The following SPTBN1 variants were observed in gnomAD, a reference collection of about 807,000 sequenced individuals.
SPTBN1 encodes spectrin beta, non-erythrocytic 1.
In SPTBN1, 32 loss-of-function variants were observed where a neutral mutation model predicts 266.4. That is an observed-to-expected ratio of 0.12 (90% CI 0.09 to 0.16). SPTBN1 has a LOEUF of 0.16. SPTBN1 is among the 10% of genes least tolerant of loss of function. SPTBN1 has a pLI of 1.00. For missense variants in SPTBN1, 2,296 were observed against 3,067.1 expected, an observed-to-expected ratio of 0.75 and a Z score of 5.94; for synonymous variants, 1,336 against 1,162.2, an observed-to-expected ratio of 1.15 and a Z score of -3.04.
chr2:54,614,495 G>A (rs913197418), intron 4 of SPTBN1, among the ~76,000 whole-genome samples: 1 of 152,060 alleles, frequency 6.6e-6, no homozygotes, highest in African/African-American at 2.4e-5. Context: ...ATTTTATGAT[G>A]CTGCCCCTTT....
chr2:54,659,929 C>G lies in SPTBN1; in HGVS notation c.6357-7C>G. On this transcript the variant is annotated splice_region_variant and splice_polypyrimidine_tract_variant and intron_variant, in intron 31 of 35. Coordinates refer to ENST00000356805, the MANE Select transcript of SPTBN1 (RefSeq NM_003128.3). ...TCCCTTCCTCCTTTTCCCCTCTTCC[C>G]TAACAGGGATACTTCAAAAGGAGAA... 2 of 1,613,268 alleles carry G rather than the reference C, an allele frequency of 1.2e-6. No homozygotes were observed. Among genetic ancestry groups the G allele is most frequent in the Non-Finnish European group, 1.7e-6 (2 of 1,179,496 alleles).
intron 34 of SPTBN1, among the ~76,000 whole-genome samples, chr2:54,666,499 G>A (rs1368856354): frequency 6.6e-6 from 1 of 152,196 alleles, no homozygotes; most frequent in African/African-American, 2.4e-5. Flanking sequence ...GGTCAAGTGA[G>A]TCATCCTGGA....
intron 2 of SPTBN1, among the ~76,000 whole-genome samples, chr2:54,561,984 A>G (rs1467491162): frequency 6.6e-6 from 1 of 151,788 alleles, no homozygotes; most frequent in Non-Finnish European, 1.5e-5. Flanking sequence ...AGCATTCACC[A>G]CCAACACCCA....
chr2:54,551,423 G>C (rs577416355), intron 2 of SPTBN1, among the ~76,000 whole-genome samples: 1 of 152,244 alleles, frequency 6.6e-6, no homozygotes, highest in Non-Finnish European at 1.5e-5. Context: ...CCTCTGGACC[G>C]GGGCATTCTT....
intron 24 of SPTBN1, among the ~76,000 whole-genome samples, chr2:54,647,731 AT>A (rs928962057): frequency 5.6e-4 from 86 of 152,290 alleles, no homozygotes; most frequent in African/African-American, 2.0e-3. Flanking sequence ...CTACTCAGCT[AT>A]TCAAGAGGCT....
chr2:54,621,613 T>A, intron 8 of SPTBN1, 101 bp downstream of exon 8: 1 of 857,870 alleles, frequency 1.2e-6, no homozygotes, highest in Non-Finnish European at 1.9e-6. Flanking sequence ...CAATTTGTAG[T>A]GGACTCTCCG....
At chr2:54,613,669 A>T (rs1270972970) in intron 4 of SPTBN1, among the ~76,000 whole-genome samples, 2 of 152,254 alleles carry the variant, frequency 1.3e-5, no homozygotes, top group South Asian at 2.1e-4. Context: ...AGATGGTACA[A>T]CATCATTAAA....
At chr2:54,477,171 C>A (rs983219774) in intron 1 of SPTBN1, among the ~76,000 whole-genome samples, 1 of 152,102 alleles carries the variant, frequency 6.6e-6, no homozygotes, top group Non-Finnish European at 1.5e-5. Flanking sequence ...ATTTCTCTAC[C>A]AGAAGACTTT....
At chr2:54,648,190 C>T (rs1179382516) in intron 24 of SPTBN1, among the ~76,000 whole-genome samples, 2 of 152,138 alleles carry the variant, frequency 1.3e-5, no homozygotes, top group Admixed American at 6.5e-5. Context: ...TGGCCTTGTG[C>T]ATTTAACCAG....
chr2:54,521,537 C>T (rs187179651), intron 1 of SPTBN1, among the ~76,000 whole-genome samples: 37 of 151,936 alleles, frequency 2.4e-4, no homozygotes, highest in Non-Finnish European at 4.0e-4. Context: ...TTTTTTGAGA[C>T]GAGGCTCACT....
In SPTBN1 at chr2:54,669,033, C is replaced by G. The variant is rs1419194114; in HGVS notation, c.*464C>G. The G allele has an allele frequency of 1.1e-5, 2 of 188,600 alleles. No homozygotes were observed. The highest frequency in any genetic ancestry group is 2.9e-4 in the East Asian group (2 of 6,860). 11.7% of individuals were successfully genotyped at this position (188,600 alleles called of 1,614,324 possible). ...TTAGAAGTGCCCGAGATGGGGCTAACCTTTATTAAACAGATCGCATATTAT... is the reference window on the plus strand; with the variant it reads ...TTAGAAGTGCCCGAGATGGGGCTAAGCTTTATTAAACAGATCGCATATTAT... On this transcript the variant is annotated 3_prime_UTR_variant, in exon 36 of 36. Transcript: ENST00000356805.
chr2:54,572,753 T>C (rs1240410173), intron 2 of SPTBN1, among the ~76,000 whole-genome samples: 1 of 152,204 alleles, frequency 6.6e-6, no homozygotes, highest in Non-Finnish European at 1.5e-5. Context: ...TTTTTAAAAG[T>C]CATACTCGTT....
chr2:54,485,152 C>CTCTCCCTCTCCCTCTCCCTCTG (rs1668288711), intron 1 of SPTBN1, among the ~76,000 whole-genome samples: 3 of 149,300 alleles, frequency 2.0e-5, no homozygotes, highest in East Asian at 4.0e-4. Flanking sequence ...TCGCCTCTCC[C>CTCTCCCTCTCCCTCTCCCTCTG]TCTCCCTCTC....
intron 17 of SPTBN1, among the ~76,000 whole-genome samples, chr2:54,633,921 G>A (rs1190814361): frequency 6.6e-6 from 1 of 151,990 alleles, no homozygotes; most frequent in Non-Finnish European, 1.5e-5. Context: ...GTGGTATTGT[G>A]GAATAGAGAA....
intron 2 of SPTBN1, chr2:54,529,443 A>G (rs1187264796): frequency 5.6e-6 from 4 of 709,652 alleles, no homozygotes; most frequent in East Asian, 5.3e-5. Flanking sequence ...AAAGGTGTCC[A>G]CGGCCACAAA....
Position 54,653,993 on chromosome 2 carries a change from A to G in SPTBN1, c.5822+140A>G. 2 of 1,296,144 alleles carry G rather than the reference A, an allele frequency of 1.5e-6. No individual in the cohort carries two copies. The highest frequency in any genetic ancestry group is 2.1e-6 in the Non-Finnish European group (2 of 957,898). The allele number at this position is 1,296,144 out of a possible 1,614,324, so 80.3% of individuals were successfully genotyped here. The stretch of plus-strand genomic sequence containing the variant: ...AGAGTGGGGGTGGGGCGGTGCTTGG[A>G]GTGCGGCACCACTGCTTGCCTCGTG... On this transcript the variant is annotated intron_variant, in intron 27 of 35. Transcript: ENST00000356805. The surrounding 1 kb of genome is among the most constrained non-coding windows in gnomAD (Gnocchi z 5.1).
In SPTBN1 at chr2:54,530,353, C is replaced by T. The variant is rs374070468; in HGVS notation, c.148+3787C>T. ...TAGGTTATCTGTGAATTGTAAAAAA[C>T]TTTTTTTTTTTTTTTTTTTTTTTGA... is the stretch of plus-strand genomic sequence containing the variant. On this transcript the variant is annotated intron_variant, in intron 2 of 35. Transcript: ENST00000356805. 8.8e-4 allele frequency among the ~76,000 whole-genome samples: 65 copies of T among 73,882 alleles called. 1 individual carries two copies. Among genetic ancestry groups the T allele is most frequent in the South Asian group, 3.8e-3 (6 of 1,598 alleles). 48.5% of individuals were successfully genotyped at this position (73,882 alleles called of 152,430 possible).
intron 10 of SPTBN1, among the ~76,000 whole-genome samples, chr2:54,624,304 G>A (rs767468680): frequency 3.3e-5 from 5 of 151,740 alleles, no homozygotes; most frequent in Non-Finnish European, 5.9e-5. Context: ...TGGAAGGTTT[G>A]ATTTTTTTTT....
Position 54,554,107 on chromosome 2 carries a change from G to A in SPTBN1, c.148+27541G>A, listed in dbSNP as rs2104443187. ...CTGACTCAAAACTAAATGTTGTAGA[G>A]GTTCGTGTAGAGGCCTGCTTGGGTT... On this transcript the variant is annotated intron_variant, in intron 2 of 35. Coordinates refer to ENST00000356805, the MANE Select transcript of SPTBN1 (RefSeq NM_003128.3). The surrounding 1 kb of genome is among the most constrained non-coding windows in gnomAD (Gnocchi z 4.5). Among the ~76,000 whole-genome samples, 1 of 152,322 alleles carries A rather than the reference G, an allele frequency of 6.6e-6. No homozygotes were observed. Among genetic ancestry groups the A allele is most frequent in the Admixed American group, 6.5e-5 (1 of 15,302 alleles).
Sources: gnomAD v4.1 joint callset for allele counts (sites outside exome capture counted in the v4.1 genomes callset) on GRCh38, gnomAD v4.1.1 for gene constraint, Gnocchi (gnomAD v3.1) non-coding constraint, MANE v1.5 for transcripts, NCBI Gene and HGNC (gene_info 2026-07-23, HGNC 2026-07-21) for gene names.